GPATCH1: variants seen among roughly 807,000 people sequenced by gnomAD.
GPATCH1 encodes the protein G patch domain-containing protein 1.
In GPATCH1, 73 loss-of-function variants were observed where a neutral mutation model predicts 114.9. The observed-to-expected ratio is 0.64, with a 90% CI of 0.53 to 0.77. The LOEUF (loss-of-function observed/expected upper bound fraction) is 0.77. GPATCH1 is among the 30% of genes least tolerant of loss of function. The pLI is 0.00. For missense variants in GPATCH1, 1,058 were observed against 1,144.3 expected, an observed-to-expected ratio of 0.92 and a Z score of 1.09; for synonymous variants, 391 against 428.4, an observed-to-expected ratio of 0.91 and a Z score of 1.08.
intron 11 of GPATCH1, among the ~76,000 whole-genome samples, chr19:33,110,946 C>A (rs1972844264): frequency 6.7e-6 from 1 of 149,644 alleles, no homozygotes; most frequent in South Asian, 2.1e-4. Flanking sequence ...ATAGTGAGAT[C>A]CTGCCTCTAC....
chr19:33,095,035 G>A (rs1030821784), intron 5 of GPATCH1, among the ~76,000 whole-genome samples: 10 of 152,042 alleles, frequency 6.6e-5, no homozygotes, highest in Admixed American at 5.9e-4. Flanking sequence ...GTGGTGGAGC[G>A]CACCTGTAGT....
chr19:33,091,657 C>T (rs1459863743), intron 3 of GPATCH1, among the ~76,000 whole-genome samples: 2 of 152,070 alleles, frequency 1.3e-5, no homozygotes, highest in Non-Finnish European at 2.9e-5. Flanking sequence ...GGCTTAATAC[C>T]TAGGTGATGG....
At position 33,113,757 on chromosome 19, in the gene GPATCH1, C is replaced by A; in HGVS notation, c.1893-10C>A. The A allele has an allele frequency of 1.2e-6, 2 of 1,605,856 alleles. No homozygotes were observed. The highest frequency in any genetic ancestry group is 1.7e-6 in the Non-Finnish European group (2 of 1,176,802). ...GTTGTTACTAAAATGATTCTTTTTT[C>A]AATTCCCAGTTCAACTTTAGTTGGC... is the stretch of plus-strand genomic sequence containing the variant. On this transcript the variant is annotated splice_polypyrimidine_tract_variant and intron_variant, in intron 13 of 19. Transcript: ENST00000170564.
At chr19:33,114,534 T>C (rs1422987269) in intron 15 of GPATCH1, 115 bp downstream of exon 15, 5 of 813,676 alleles carry the variant, frequency 6.1e-6, no homozygotes, top group East Asian at 5.4e-5. Context: ...TTGATCCATT[T>C]CCCCTTAAAG....
intron 7 of GPATCH1, 85 bp downstream of exon 7, chr19:33,096,531 T>C: frequency 8.9e-7 from 1 of 1,119,046 alleles, no homozygotes; most frequent in Non-Finnish European, 1.3e-6. Flanking sequence ...AGGTTCTTTA[T>C]TTTCTTTTTT....
chr19:33,101,360 C>G, intron 8 of GPATCH1, 135 bp from the exon 9 acceptor site: 1 of 627,104 alleles, frequency 1.6e-6, no homozygotes, highest in Non-Finnish European at 2.8e-6. Flanking sequence ...CTTCCCTTTA[C>G]TGCTGCTGTT....
At chr19:33,099,291 A>G (rs568201231) in intron 8 of GPATCH1, among the ~76,000 whole-genome samples, 3 of 151,808 alleles carry the variant, frequency 2.0e-5, no homozygotes, top group African/African-American at 7.2e-5. Context: ...TTTAATATAC[A>G]ACATATTAAT....
chr19:33,081,215 A>T lies in GPATCH1; in HGVS notation c.22A>T (p.Ser8Cys). 1 of 1,551,694 alleles carries T rather than the reference A, an allele frequency of 6.4e-7. No homozygotes were observed. Among genetic ancestry groups the T allele is most frequent in the Non-Finnish European group, 8.7e-7 (1 of 1,147,020 alleles). MAARDSD[S>C]EEDLVSYGTG... ...CAGGATGGCGGCGCGGGACAGTGACAGCGAAGAAGATCTGGTCAGCTATGG... is the reference window on the plus strand; with the variant it reads ...CAGGATGGCGGCGCGGGACAGTGACTGCGAAGAAGATCTGGTCAGCTATGG... Residue 8 changes from serine (S) to cysteine (C), a missense_variant, in exon 1 of 20, where the codon AGC becomes TGC. Transcript: ENST00000170564.
At chr19:33,119,375 T>C (rs1211748980) in intron 17 of GPATCH1, among the ~76,000 whole-genome samples, 1 of 152,102 alleles carries the variant, frequency 6.6e-6, no homozygotes, top group African/African-American at 2.4e-5. Context: ...AGTTTTGTTA[T>C]AGAAATATAA....
chr19:33,086,023 C>T (rs1972531118), intron 1 of GPATCH1, among the ~76,000 whole-genome samples: 2 of 152,166 alleles, frequency 1.3e-5, no homozygotes, highest in African/African-American at 4.8e-5. Context: ...TTGGCAATGC[C>T]TGGAGACCTT....
Position 33,111,833 on chromosome 19 carries a change from G to A in GPATCH1, c.1695G>A (p.Leu565=), listed in dbSNP as rs768569907. 1.2e-6 allele frequency: 2 copies of A among 1,613,998 alleles called. No individual in the cohort carries two copies. The highest frequency in any genetic ancestry group is 1.7e-6 in the Non-Finnish European group (2 of 1,179,978). Residue 565 remains leucine (L), a synonymous_variant, in exon 12 of 20, where the codon TTG becomes TTA. Transcript: ENST00000170564. The part of the protein sequence containing the change: ...ALLYASSHST[L]SSRFTHAKEE... ...TGTACGCATCTTCCCATTCGACCTT[G>A]TCCTCCAGGTTCACTCACGCCAAGG...
At chr19:33,122,627 C>G (rs1321108564) in intron 17 of GPATCH1, among the ~76,000 whole-genome samples, 1 of 152,054 alleles carries the variant, frequency 6.6e-6, no homozygotes, top group Non-Finnish European at 1.5e-5. Flanking sequence ...CCGGCCGGCT[C>G]TTTAGTTTCA....
At chr19:33,110,409 A>G (rs925362692) in intron 11 of GPATCH1, among the ~76,000 whole-genome samples, 1 of 152,184 alleles carries the variant, frequency 6.6e-6, no homozygotes, top group African/African-American at 2.4e-5. Context: ...ATGACTTAAA[A>G]CAATAGTTAG....
Position 33,130,319 on chromosome 19 carries a change from C to A in GPATCH1, c.*159C>A. ...CATTTCAAAGACTGCCTTGAAAGGT[C>A]GCAGAAATTGATTTCTATTTTTAAT... is the stretch of plus-strand genomic sequence containing the variant. On this transcript the variant is annotated 3_prime_UTR_variant, in exon 20 of 20. Transcript: ENST00000170564. 2 of 455,922 alleles carry A rather than the reference C, an allele frequency of 4.4e-6. No individual in the cohort carries two copies. Among genetic ancestry groups the A allele is most frequent in the South Asian group, 1.3e-4 (2 of 15,958 alleles). 28.2% of individuals were successfully genotyped at this position (455,922 alleles called of 1,614,324 possible). A position where few individuals can be genotyped will look rare whatever the true frequency, so the allele number is the denominator to read the frequency against.
chr19:33,126,509 C>T, intron 18 of GPATCH1, 79 bp from the exon 19 acceptor site: 2 of 1,583,664 alleles, frequency 1.3e-6, no homozygotes, highest in East Asian at 2.2e-5. Flanking sequence ...ATCACTGCAG[C>T]CTTGTTAACC....
intron 9 of GPATCH1, among the ~76,000 whole-genome samples, chr19:33,103,389 G>A (rs1375567734): frequency 1.3e-5 from 2 of 152,106 alleles, no homozygotes; most frequent in East Asian, 3.9e-4. Context: ...GAAAATGCAG[G>A]TGTTTTACAT....
chr19:33,123,083 A>C (rs1973003447), intron 17 of GPATCH1, among the ~76,000 whole-genome samples: 1 of 142,596 alleles, frequency 7.0e-6, no homozygotes, highest in African/African-American at 2.9e-5. Context: ...AAAATAAATA[A>C]ATAAATAAAT....
At chr19:33,085,048 C>T (rs1972521476) in intron 1 of GPATCH1, among the ~76,000 whole-genome samples, 1 of 152,098 alleles carries the variant, frequency 6.6e-6, no homozygotes, top group Non-Finnish European at 1.5e-5. Flanking sequence ...TCTGCTTATT[C>T]CTAACGGTGG....
chr19:33,099,587 A>AT (rs1228167633), intron 8 of GPATCH1, among the ~76,000 whole-genome samples: 3 of 150,554 alleles, frequency 2.0e-5, no homozygotes, highest in African/African-American at 7.3e-5. Flanking sequence ...TCCACGGTTG[A>AT]TTTTTTACAT....
Sources: allele counts gnomAD v4.1 joint callset (sites outside exome capture counted in the v4.1 genomes callset), GRCh38; gene constraint gnomAD v4.1.1; transcripts MANE v1.5; gene names NCBI Gene and HGNC (gene_info 2026-07-23, HGNC 2026-07-21).